The following THRB variants were observed in gnomAD, a reference collection of about 807,000 sequenced individuals.
THRB encodes thyroid hormone receptor beta, also known as nuclear receptor subfamily 1 group A member 2.
A neutral mutation model predicts 47.8 loss-of-function variants in THRB; 12 were observed. The observed-to-expected ratio is 0.25, with a 90% confidence interval of 0.16 to 0.41. THRB has a LOEUF of 0.41. THRB is among the 10% of genes least tolerant of loss of function. The probability of loss-of-function intolerance (pLI) is 1.00; values close to 1 mark genes in which losing one functional copy is unlikely to be tolerated. For synonymous variants in THRB, 218 were observed against 212.2 expected (o/e 1.03, Z -0.24); for missense variants, 348 against 589.2 (o/e 0.59, Z 4.24).
chr3:24,303,763 T>C (rs562590789), intron 2 of THRB, among the ~76,000 whole-genome samples: 1 of 152,378 alleles, frequency 6.6e-6, no homozygotes, highest in South Asian at 2.1e-4. Context: ...GTCTTTATCA[T>C]GTTTAAGTGA....
intron 1 of THRB, among the ~76,000 whole-genome samples, chr3:24,454,834 C>T (rs1452569973): frequency 1.3e-5 from 2 of 152,082 alleles, no homozygotes; most frequent in Admixed American, 1.3e-4. Context: ...AAAACATACT[C>T]GGAAAGAATA....
At chr3:24,233,617 G>GAAAAAT (rs1559685043) in intron 3 of THRB, among the ~76,000 whole-genome samples, 2 of 59,662 alleles carry the variant, frequency 3.4e-5, no homozygotes, top group African/African-American at 9.0e-5. Flanking sequence ...GAAAGAAAGA[G>GAAAAAT]AAAGAGCCTG....
intron 3 of THRB, among the ~76,000 whole-genome samples, chr3:24,265,855 A>G (rs1442197423): frequency 6.6e-6 from 1 of 152,226 alleles, no homozygotes; most frequent in Non-Finnish European, 1.5e-5. Flanking sequence ...GACAAGCAAC[A>G]AAATAAAAAT....
At chr3:24,317,409 C>T (rs1197793928) in intron 2 of THRB, among the ~76,000 whole-genome samples, 1 of 152,156 alleles carries the variant, frequency 6.6e-6, no homozygotes, top group Non-Finnish European at 1.5e-5. Flanking sequence ...GTGCTCACGG[C>T]AGAAGGTTCC....
chr3:24,448,973 G>T (rs1002837559), intron 1 of THRB, among the ~76,000 whole-genome samples: 3 of 152,150 alleles, frequency 2.0e-5, no homozygotes, highest in South Asian at 4.1e-4. Flanking sequence ...CCAAAATAAG[G>T]TCAAGGACAG....
chr3:24,220,059 G>A (rs913988082), intron 4 of THRB, among the ~76,000 whole-genome samples: 1 of 152,186 alleles, frequency 6.6e-6, no homozygotes, highest in Admixed American at 6.5e-5. Flanking sequence ...TAGGCAGCAG[G>A]GTTGAGAACC....
At chr3:24,203,422 T>C (rs1378557072) in intron 4 of THRB, among the ~76,000 whole-genome samples, 1 of 152,026 alleles carries the variant, frequency 6.6e-6, no homozygotes. Context: ...AAAAAGCATA[T>C]AAAGGACATT....
chr3:24,196,652 C>G (rs1412674088), intron 4 of THRB, among the ~76,000 whole-genome samples: 1 of 152,092 alleles, frequency 6.6e-6, no homozygotes, highest in Non-Finnish European at 1.5e-5. Flanking sequence ...GGCTAAGAAC[C>G]TGGGATGAGT....
intron 1 of THRB, among the ~76,000 whole-genome samples, chr3:24,473,390 T>C (rs1034000741): frequency 6.6e-6 from 1 of 152,184 alleles, no homozygotes; most frequent in Non-Finnish European, 1.5e-5. Flanking sequence ...ATAAATGAGA[T>C]ACCATCTCAC....
chr3:24,453,300 G>C (rs146950936), intron 1 of THRB, among the ~76,000 whole-genome samples: 61 of 152,172 alleles, frequency 4.0e-4, no homozygotes, highest in African/African-American at 1.3e-3. Flanking sequence ...TCACATCATG[G>C]CTCCTATGAT....
chr3:24,271,353 G>A (rs2053308888), intron 3 of THRB, among the ~76,000 whole-genome samples: 1 of 152,176 alleles, frequency 6.6e-6, no homozygotes, highest in Non-Finnish European at 1.5e-5. Flanking sequence ...GGGAAAGAGA[G>A]TAATGAAGAT....
At chr3:24,269,599 ATTTTT>A (rs10575669) in intron 3 of THRB, among the ~76,000 whole-genome samples, 9 of 134,286 alleles carry the variant, frequency 6.7e-5, no homozygotes, top group Non-Finnish European at 1.3e-4. Context: ...ATAATTTTTA[ATTTTT>A]TTTTTTTTTT....
At chr3:24,407,228 C>T (rs2067897175) in intron 1 of THRB, among the ~76,000 whole-genome samples, 1 of 151,792 alleles carries the variant, frequency 6.6e-6, no homozygotes, top group Admixed American at 6.6e-5. Flanking sequence ...AAATGTCCCT[C>T]AGGAATACGA....
At chr3:24,359,706 A>T (rs1053858344) in intron 1 of THRB, among the ~76,000 whole-genome samples, 7 of 152,126 alleles carry the variant, frequency 4.6e-5, no homozygotes, top group Non-Finnish European at 1.5e-5. Context: ...AACTATAAGT[A>T]TTTTATTTTT....
rs368550931 is a variant in THRB at position 24,489,821 on chromosome 3, TC to T, written c.-261+4830del. ...ACTTGTGACTCAGTGATTTGGATAC[TC>T]CCCCCCACTTGTTTAAATGCCAAAA... On this transcript the variant is annotated intron_variant, in intron 1 of 10. Transcript: ENST00000646209. Among the ~76,000 whole-genome samples, 628 of 151,882 alleles carry T rather than the reference TC, an allele frequency of 4.1e-3. 5 individuals carry two copies. The highest frequency in any genetic ancestry group is 0.015 in the African/African-American group (608 of 41,290).
intron 3 of THRB, among the ~76,000 whole-genome samples, chr3:24,294,797 T>C (rs2056304944): frequency 6.6e-6 from 1 of 152,222 alleles, no homozygotes; most frequent in African/African-American, 2.4e-5. Flanking sequence ...TCTAGAATTC[T>C]GTATTTCAAG....
intron 6 of THRB, 53 bp downstream of exon 6, chr3:24,152,337 G>A (rs2037088017): frequency 1.1e-6 from 1 of 925,172 alleles, no homozygotes; most frequent in Non-Finnish European, 1.8e-6. Flanking sequence ...AAGAGGACTG[G>A]GAGGGGACTG....
intron 3 of THRB, among the ~76,000 whole-genome samples, chr3:24,267,096 AG>A (rs1255223062): frequency 6.6e-6 from 1 of 152,142 alleles, no homozygotes; most frequent in Non-Finnish European, 1.5e-5. Context: ...AGGGATGAAA[AG>A]GGGGGACAGA....
At chr3:24,271,341 A>T (rs1325691821) in intron 3 of THRB, among the ~76,000 whole-genome samples, 1 of 152,198 alleles carries the variant, frequency 6.6e-6, no homozygotes. Context: ...TCAAAAAAAC[A>T]GGGGAAAGAG....
Sources: gnomAD v4.1 joint callset for allele counts (sites outside exome capture counted in the v4.1 genomes callset) on GRCh38, gnomAD v4.1.1 for gene constraint, MANE v1.5 for transcripts, NCBI Gene and HGNC (gene_info 2026-07-23, HGNC 2026-07-21) for gene names.